DNAH7: variants seen among roughly 807,000 people sequenced by gnomAD.
DNAH7 encodes axonemal beta dynein heavy chain 7.
A neutral mutation model predicts 444.6 loss-of-function variants in DNAH7; 397 were observed. The observed-to-expected ratio is 0.89, with a 90% CI of 0.82 to 0.97. The LOEUF is 0.97. DNAH7 is among the 50% of genes least tolerant of loss of function. The pLI is 0.00. For missense variants in DNAH7, 4,902 were observed against 4,800.8 expected (o/e 1.02, Z -0.62); for synonymous variants, 1,636 against 1,624.4 (o/e 1.01, Z -0.17).
intron 52 of DNAH7, 81 bp from the exon 53 acceptor site, chr2:195,808,957 G>C (rs1696834985): frequency 8.1e-7 from 1 of 1,227,990 alleles, no homozygotes; most frequent in Non-Finnish European, 1.1e-6. Flanking sequence ...TAAAAGAGTT[G>C]AGTGTTGACT....
At chr2:195,933,110 C>G (rs1297888850) in intron 21 of DNAH7, among the ~76,000 whole-genome samples, 2 of 152,090 alleles carry the variant, frequency 1.3e-5, no homozygotes, top group East Asian at 1.9e-4. Context: ...TGTTATTGGT[C>G]TATTCAGAGA....
At chr2:195,801,727 G>T (rs1230039053) in intron 54 of DNAH7, among the ~76,000 whole-genome samples, 1 of 152,138 alleles carries the variant, frequency 6.6e-6, no homozygotes, top group Non-Finnish European at 1.5e-5. Context: ...CGATTTTATA[G>T]TCTATGAAAC....
At chr2:195,930,787 A>G (rs1688640255) in intron 21 of DNAH7, among the ~76,000 whole-genome samples, 1 of 152,236 alleles carries the variant, frequency 6.6e-6, no homozygotes, top group African/African-American at 2.4e-5. Context: ...GGTGCCATCA[A>G]TGGTGGCCTG....
rs568025687 is a variant in DNAH7, at chr2:195,770,268, C to A, written c.11433+1392G>T. 2.6e-5 allele frequency among the ~76,000 whole-genome samples: 4 copies of A among 152,338 alleles called. No homozygotes were observed. In the East Asian group the frequency reaches 5.8e-4, roughly 22 times the overall value. ...TCCTTTCAGCAGTGGTTAGAGTAAA[C>A]TTTTAAAAATGTAGAATGGGTCATT... On this transcript the variant is annotated intron_variant, in intron 61 of 64. Transcript: ENST00000312428.
intron 47 of DNAH7, among the ~76,000 whole-genome samples, chr2:195,843,115 T>C (rs7599605): frequency 0.24 from 37,037 of 152,148 alleles, 6,770 homozygotes; most frequent in African/African-American, 0.51. Flanking sequence ...AAAGTGAAAG[T>C]AAAAGTTAGA....
intron 17 of DNAH7, among the ~76,000 whole-genome samples, 163 bp downstream of exon 17, chr2:195,969,785 C>G (rs1384587587): frequency 6.6e-6 from 1 of 152,144 alleles, no homozygotes; most frequent in Non-Finnish European, 1.5e-5. Flanking sequence ...ACTGCTATTC[C>G]TTGAAGCATG....
At chr2:195,877,615 T>C (rs1378310923) in intron 36 of DNAH7, among the ~76,000 whole-genome samples, 1 of 152,214 alleles carries the variant, frequency 6.6e-6, no homozygotes, top group Non-Finnish European at 1.5e-5. Flanking sequence ...AATCTATTCA[T>C]CAAGGCAATA....
chr2:195,763,847 A>AGGT (rs1694454200), intron 61 of DNAH7, among the ~76,000 whole-genome samples: 1 of 151,988 alleles, frequency 6.6e-6, no homozygotes, highest in Non-Finnish European at 1.5e-5. Context: ...TGAAAAAGAG[A>AGGT]GGTGGAGGGA....
intron 15 of DNAH7, among the ~76,000 whole-genome samples, chr2:195,976,784 A>AGAGAGAGG (rs1271382845): frequency 1.3e-4 from 19 of 146,128 alleles, no homozygotes; most frequent in Middle Eastern, 3.4e-3. Flanking sequence ...AGAGAGAGAG[A>AGAGAGAGG]GAGACTCTCT....
At chr2:195,803,887 G>T (rs1310127807) in intron 54 of DNAH7, among the ~76,000 whole-genome samples, 2 of 152,104 alleles carry the variant, frequency 1.3e-5, no homozygotes, top group African/African-American at 2.4e-5. Flanking sequence ...TGTTTCTTTT[G>T]TCAATAAAAC....
intron 51 of DNAH7, among the ~76,000 whole-genome samples, chr2:195,816,224 C>T (rs192551597): frequency 1.9e-4 from 29 of 152,108 alleles, no homozygotes; most frequent in Admixed American, 1.7e-3. Flanking sequence ...TTTTTTTACC[C>T]TAGCATTTGA....
rs1396049031 is a variant in DNAH7 at position 195,754,495 on chromosome 2, G to C, written c.11606C>G (p.Pro3869Arg). 6.2e-7 allele frequency: 1 copy of C among 1,613,896 alleles called. No individual in the cohort carries two copies. Among genetic ancestry groups the C allele is most frequent in the Non-Finnish European group, 8.5e-7 (1 of 1,179,932 alleles). Reference protein sequence around the residue: ...KFLQQWYEVGPPPVFWLSGFF... With the variant: ...KFLQQWYEVGRPPVFWLSGFF... Reference sequence around the variant, plus strand: ...GCCAGAAAGCCAGAAGACTGGAGGAGGACCAACCTCATACCATTGCTAGGG... The same window carrying C: ...GCCAGAAAGCCAGAAGACTGGAGGACGACCAACCTCATACCATTGCTAGGG... The change falls in exon 63 of 65, where the codon CCT becomes CGT. Residue 3869 changes from proline (P) to arginine (R), a missense_variant. By Grantham distance (103) the Pro-to-Arg change is moderately radical (BLOSUM62 -2). Transcript: ENST00000312428.
At chr2:195,829,618 T>G (rs1176307698) in intron 48 of DNAH7, among the ~76,000 whole-genome samples, 1 of 152,098 alleles carries the variant, frequency 6.6e-6, no homozygotes, top group Non-Finnish European at 1.5e-5. Flanking sequence ...ATTAATTTTT[T>G]ACATAAAATC....
chr2:195,994,176 C>T (rs761990959), intron 12 of DNAH7: 2 of 217,808 alleles, frequency 9.2e-6, no homozygotes, highest in Non-Finnish European at 1.8e-5. Flanking sequence ...AGGGACCACA[C>T]TGCATGACAG....
intron 5 of DNAH7, among the ~76,000 whole-genome samples, chr2:196,030,133 CAGT>C (rs1440259943): frequency 6.6e-6 from 1 of 152,200 alleles, no homozygotes; most frequent in Non-Finnish European, 1.5e-5. Context: ...AATGGACTTA[CAGT>C]TCCATGTGGT....
intron 52 of DNAH7, 95 bp downstream of exon 52, chr2:195,809,650 T>C (rs1417597171): frequency 8.5e-7 from 1 of 1,171,484 alleles, no homozygotes; most frequent in Non-Finnish European, 1.1e-6. Context: ...GCTTAACTAT[T>C]TACAATCTTT....
At position 195,906,963 on chromosome 2, in the gene DNAH7, C is replaced by A; in HGVS notation, c.4151G>T (p.Arg1384Ile). The A allele has an allele frequency of 6.2e-7, 1 of 1,613,126 alleles. No individual in the cohort carries two copies. Among genetic ancestry groups the A allele is most frequent in the Non-Finnish European group, 8.5e-7 (1 of 1,179,510 alleles). ...GAWACFDEFN[R>I]IDLEVLSVVA... ...CACAGAGAGTACTTCCAAATCAATT[C>A]TGTTAAACTCATCAAAGCAAGCCCA... The change falls in exon 26 of 65, where the codon AGA (arginine) becomes ATA (isoleucine). Residue 1384 changes from arginine (R) to isoleucine (I), a missense_variant. Coordinates refer to ENST00000312428, the MANE Select transcript of DNAH7 (RefSeq NM_018897.3).
At chr2:196,035,688 T>C (rs1228778677) in intron 5 of DNAH7, among the ~76,000 whole-genome samples, 1 of 152,044 alleles carries the variant, frequency 6.6e-6, no homozygotes, top group Non-Finnish European at 1.5e-5. Context: ...GATGGCAATG[T>C]AGAGAGGAAA....
intron 64 of DNAH7, among the ~76,000 whole-genome samples, chr2:195,739,793 T>G (rs143357407): frequency 6.6e-6 from 1 of 152,316 alleles, no homozygotes; most frequent in Admixed American, 6.5e-5. Context: ...CATCAAAGAT[T>G]TGCATCATCC....
Sources: gnomAD v4.1 joint callset for allele counts (sites outside exome capture counted in the v4.1 genomes callset) on GRCh38, gnomAD v4.1.1 for gene constraint, MANE v1.5 for transcripts, NCBI Gene and HGNC (gene_info 2026-07-23, HGNC 2026-07-21) for gene names.